Variants in ESYT1 observed in about 807,000 individuals in gnomAD.
The protein encoded by ESYT1 is extended synaptotagmin-1.
In ESYT1, 116 loss-of-function variants were observed where a neutral mutation model predicts 154.2. The ratio of observed to expected loss-of-function variants is 0.75; its 90% CI spans 0.65 to 0.88. ESYT1 has a LOEUF of 0.88. Among genes scored for constraint, ESYT1 ranks in the 40% least tolerant of loss-of-function variants. The pLI is 0.00. For synonymous variants in ESYT1, 500 were observed against 539.9 expected (o/e 0.93, Z 1.02); for missense variants, 1,264 against 1,379.3 (o/e 0.92, Z 1.32).
Position 56,138,826 on chromosome 12 carries a change from C to A in ESYT1, c.2492C>A (p.Ser831Tyr), listed in dbSNP as rs765628415. ...PYATLTVGDS[S>Y]HKTKTISQTS... Reference sequence around the variant, plus strand: ...GCTACTCTCACTGTGGGAGATAGTTCTCATAAAACCAAGGTATGAAGAAAT... The same window carrying A: ...GCTACTCTCACTGTGGGAGATAGTTATCATAAAACCAAGGTATGAAGAAAT... The change falls in exon 23 of 31, where the codon TCT becomes TAT. Residue 831 changes from serine to tyrosine, a missense_variant. Transcript: ENST00000394048. 6.2e-7 allele frequency: 1 copy of A among 1,614,102 alleles called. No homozygotes were observed. Among genetic ancestry groups the A allele is most frequent in the Non-Finnish European group, 8.5e-7 (1 of 1,179,990 alleles).
rs758230296 is a variant in ESYT1, at chr12:56,133,482, G to T, written c.1293+17G>T. 1 of 1,614,252 alleles carries T rather than the reference G, an allele frequency of 6.2e-7. No homozygotes were observed. The highest frequency in any genetic ancestry group is 8.5e-7 in the Non-Finnish European group (1 of 1,180,046). ...CTGGATGATGTAAGTTGGGAGAAGA[G>T]GAAGGTGGGGGCTGATCTCACCCTT... On this transcript the variant is annotated intron_variant, in intron 11 of 30. Transcript: ENST00000394048.
In ESYT1 at chr12:56,138,469, C is replaced by A; in HGVS notation, c.2403C>A (p.Ser801=). The A allele has an allele frequency of 1.2e-6, 2 of 1,612,050 alleles. No individual in the cohort carries two copies. The highest frequency in any genetic ancestry group is 1.7e-5 in the Admixed American group (1 of 59,800). ...KSAELAAALL[S]IYMERAEDLP... ...CGGAGCTGGCTGCGGCCCTGCTATC[C>A]ATCTATATGGAGCGGGCAGAGGACC... Residue 801 remains serine (S), a synonymous_variant, in exon 22 of 31, where the codon TCC becomes TCA. Coordinates refer to ENST00000394048, the MANE Select transcript of ESYT1 (RefSeq NM_015292.3).
rs1189287007 is a variant in ESYT1 at position 56,143,124 on chromosome 12, C to T, written c.3095C>T (p.Thr1032Ile). 6.2e-7 allele frequency: 1 copy of T among 1,614,144 alleles called. No homozygotes were observed. The highest frequency in any genetic ancestry group is 1.7e-5 in the Admixed American group (1 of 60,020). The change falls in exon 28 of 31, where the codon ACC becomes ATC. Residue 1032 changes from threonine to isoleucine, a missense_variant. By Grantham distance (89) the Thr-to-Ile change is moderately conservative (BLOSUM62 -1). Transcript: ENST00000394048. Reference protein sequence around the residue: ...TKRRTSQKKRTLSPEFNERFE... With the variant: ...TKRRTSQKKRILSPEFNERFE... The stretch of plus-strand genomic sequence containing the variant: ...AGGAGGACCTCACAGAAGAAGAGGA[C>T]CCTGAGTCCTGAATTTAATGAACGG...
rs1870474420 is a variant in ESYT1, at chr12:56,136,752, T to A, written c.1641T>A (p.Asp547Glu). ...QSQELDVQVK[D>E]DSRALTLGAL... ...TCCTCCTGTGCCTGTAGGTGAAGGA[T>A]GATTCCAGGGCCCTGACTTTAGGAG... The change falls in exon 16 of 31, where the codon GAT becomes GAA. Residue 547 changes from aspartate (D) to glutamate (E), a missense_variant. Asp to Glu is a conservative substitution (Grantham distance 45, BLOSUM62 2). Coordinates refer to ENST00000394048, the MANE Select transcript of ESYT1 (RefSeq NM_015292.3). 2 of 1,605,468 alleles carry A rather than the reference T, an allele frequency of 1.2e-6. No individual in the cohort carries two copies. Among genetic ancestry groups the A allele is most frequent in the Non-Finnish European group, 8.5e-7 (1 of 1,174,828 alleles).
In ESYT1 at chr12:56,134,164, G is replaced by T. The variant is rs758982879; in HGVS notation, c.1528G>T (p.Val510Leu). Residue 510 changes from valine to leucine, a missense_variant, in exon 14 of 31, where the codon GTG becomes TTG. Physicochemically the swap from Val to Leu is conservative, Grantham distance 32. Transcript: ENST00000394048. ...NPMVQLSIQD[V>L]TQESKAVYST... ...TATGGTACAACTGTCAATTCAGGAT[G>T]TGACTCAGGAGAGCAAGGTGAGGGC... 3 of 1,614,020 alleles carry T rather than the reference G, an allele frequency of 1.9e-6. No individual in the cohort carries two copies. Among genetic ancestry groups the T allele is most frequent in the African/African-American group, 2.7e-5 (2 of 74,918 alleles).
Position 56,143,037 on chromosome 12 carries a change from GTGATCCTCC to G in ESYT1, c.3015_3023del (p.Pro1006_Pro1008del). 1 of 1,614,162 alleles carries G rather than the reference GTGATCCTCC, an allele frequency of 6.2e-7. No homozygotes were observed. The highest frequency in any genetic ancestry group is 8.5e-7 in the Non-Finnish European group (1 of 1,180,020). On this transcript the variant is annotated inframe_deletion, in exon 28 of 31. Transcript: ENST00000394048. ...TGTAGGTCCCTTCGACAGAATGGAC[GTGATCCTCC>G]TGATCCCTATGTGTCACTGTTGCTA...
rs1870475547 is a variant in ESYT1, at chr12:56,136,769, C to CT, written c.1661dup (p.Leu554PhefsTer67). The CT allele has an allele frequency of 7.4e-6, 12 of 1,611,404 alleles. No homozygotes were observed. Among genetic ancestry groups the CT allele is most frequent in the Non-Finnish European group, 9.3e-6 (11 of 1,178,312 alleles). On this transcript the variant is annotated frameshift_variant, in exon 16 of 31. Coordinates refer to ENST00000394048, the MANE Select transcript of ESYT1 (RefSeq NM_015292.3). LOFTEE classifies it high-confidence loss of function. ...GTGAAGGATGATTCCAGGGCCCTGA[C>CT]TTTAGGAGCACTGACGCTGCCTCTG...
At chr12:56,131,007 C>T (rs768326516) in intron 3 of ESYT1, 33 bp from the exon 4 acceptor site, 6 of 1,614,126 alleles carry the variant, frequency 3.7e-6, no homozygotes, top group Non-Finnish European at 5.1e-6. Context: ...TCTCCCTATC[C>T]CTGCCCTCTC....
At position 56,131,573 on chromosome 12, in the gene ESYT1, G is replaced by T. The variant is rs1166555949; in HGVS notation, c.804+7G>T. 17 of 1,613,838 alleles carry T rather than the reference G, an allele frequency of 1.1e-5. 1 individual carries two copies. In the Admixed American group the frequency reaches 2.8e-4, roughly 27 times the overall value. ...GTTCTTCATCCGACGCCCGGTAAGG[G>T]AAAACAATGAAGGGGTATGGGGAAG... On this transcript the variant is annotated splice_region_variant and intron_variant, in intron 6 of 30. Transcript: ENST00000394048.
chr12:56,130,450 G>A (rs1870185558), intron 1 of ESYT1, 132 bp from the exon 2 acceptor site: 4 of 1,078,274 alleles, frequency 3.7e-6, no homozygotes, highest in Non-Finnish European at 4.3e-6. Context: ...GGGCATCCTC[G>A]CCCCTCGCCC....
Position 56,131,081 on chromosome 12 carries a change from A to T in ESYT1, c.609A>T (p.Arg203Ser), listed in dbSNP as rs750686373. 1 of 1,614,156 alleles carries T rather than the reference A, an allele frequency of 6.2e-7. No homozygotes were observed. The highest frequency in any genetic ancestry group is 1.7e-5 in the Admixed American group (1 of 60,022). ...GAGTCAAGGTTCACCCAGGTCAGAG[A>T]AAAGAGCAGATCCTGCTGGACTTGA... ...IIGVKVHPGQ[R>S]KEQILLDLNI... Residue 203 changes from arginine to serine, a missense_variant, in exon 4 of 31, where the codon AGA (arginine) becomes AGT (serine). Coordinates refer to ENST00000394048, the MANE Select transcript of ESYT1 (RefSeq NM_015292.3).
chr12:56,135,294 G>T (rs1294819072), intron 15 of ESYT1, among the ~76,000 whole-genome samples: 1 of 151,030 alleles, frequency 6.6e-6, no homozygotes, highest in Non-Finnish European at 1.5e-5. Context: ...TCAGCCTCCT[G>T]AGTAGCTGGG....
At chr12:56,139,427 T>C (rs1401753357) in intron 24 of ESYT1, among the ~76,000 whole-genome samples, 1 of 151,248 alleles carries the variant, frequency 6.6e-6, no homozygotes, top group Non-Finnish European at 1.5e-5. Context: ...ATTGACTTCT[T>C]ATCTTTATGG....
rs769199922 is a variant in ESYT1 at position 56,133,555 on chromosome 12, A to G, written c.1294-33A>G. ...TTGGTAGGGAAGTAGTTGAGCAGGT[A>G]TCTGATCTCTACTACATCTCAATTT... is the stretch of plus-strand genomic sequence containing the variant. On this transcript the variant is annotated intron_variant, in intron 11 of 30. Coordinates refer to ENST00000394048, the MANE Select transcript of ESYT1 (RefSeq NM_015292.3). 10 of 1,613,724 alleles carry G rather than the reference A, an allele frequency of 6.2e-6. No individual in the cohort carries two copies. In the Admixed American group the frequency reaches 1.3e-4, roughly 22 times the overall value.
chr12:56,134,420 G>A lies in ESYT1; in HGVS notation c.1624G>A (p.Asp542Asn), dbSNP rs371552356. Residue 542 changes from aspartate (D) to asparagine (N), a missense_variant, in exon 15 of 31, where the codon GAT (aspartate) becomes AAT (asparagine). Coordinates refer to ENST00000394048, the MANE Select transcript of ESYT1 (RefSeq NM_015292.3). Reference sequence around the variant, plus strand: ...ACAAGACCCTCAAAGCCAGGAGCTCGATGTGCAAGTGAGATAATCACCTCT... The same window carrying A: ...ACAAGACCCTCAAAGCCAGGAGCTCAATGTGCAAGTGAGATAATCACCTCT... ...FLQDPQSQEL[D>N]VQVKDDSRAL... 3.3e-5 allele frequency: 54 copies of A among 1,613,834 alleles called. No homozygotes were observed. The highest frequency in any genetic ancestry group is 1.6e-4 in the South Asian group (15 of 91,074).
rs758429667 is a variant in ESYT1, at chr12:56,128,403, C to G, written c.84C>G (p.Pro28=). The change falls in exon 1 of 31, where the codon CCC becomes CCG. Residue 28 remains proline (P), a synonymous_variant. Coordinates refer to ENST00000394048, the MANE Select transcript of ESYT1 (RefSeq NM_015292.3). ...CCTCCGACCCCACTGACCAGCCCCC[C>G]GCTGCTCACGCAAAGCCAGACCCAG... ...SAPSDPTDQP[P]AAHAKPDPGS... 1.2e-5 allele frequency: 20 copies of G among 1,611,548 alleles called. No individual in the cohort carries two copies. Among genetic ancestry groups the G allele is most frequent in the South Asian group, 8.8e-5 (8 of 90,768 alleles).
At chr12:56,130,087 A>G (rs931502757) in intron 1 of ESYT1, among the ~76,000 whole-genome samples, 4 of 151,852 alleles carry the variant, frequency 2.6e-5, no homozygotes, top group Non-Finnish European at 4.4e-5. Flanking sequence ...CTAATTTTGT[A>G]TTTTTAGTAG....
rs764611998 is a variant in ESYT1, at chr12:56,138,977, C to T, written c.2556C>T (p.Leu852=). ...APVWDESASF[L]IRKPHTESLE... ...TCTGGGATGAGAGTGCCTCCTTTCTCATCAGGAAACCACACACTGAGAGCC... is the reference window on the plus strand; with the variant it reads ...TCTGGGATGAGAGTGCCTCCTTTCTTATCAGGAAACCACACACTGAGAGCC... Residue 852 remains leucine (L), a synonymous_variant, in exon 24 of 31, where the codon CTC becomes CTT. Coordinates refer to ENST00000394048, the MANE Select transcript of ESYT1 (RefSeq NM_015292.3). The T allele has an allele frequency of 3.7e-6, 6 of 1,614,014 alleles. No homozygotes were observed. In the African/African-American group the frequency reaches 6.7e-5, roughly 18 times the overall value.
intron 1 of ESYT1, 125 bp from the exon 2 acceptor site, chr12:56,130,457 G>T (rs117927415): frequency 8.5e-7 from 1 of 1,177,776 alleles, no homozygotes; most frequent in African/African-American, 1.5e-5. Context: ...CTCGCCCCTC[G>T]CCCACCCTGA....
Sources: gnomAD v4.1 joint callset for allele counts (sites outside exome capture counted in the v4.1 genomes callset) on GRCh38, gnomAD v4.1.1 for gene constraint, MANE v1.5 for transcripts, NCBI Gene and HGNC (gene_info 2026-07-23, HGNC 2026-07-21) for gene names.